The following SEPTIN14 variants were observed in gnomAD, a reference collection of about 807,000 sequenced individuals.
SEPTIN14 encodes the protein septin 14, also known as septin-14.
In SEPTIN14, 40 loss-of-function variants were observed where a neutral mutation model predicts 53.6. The ratio of observed to expected loss-of-function variants is 0.75; its 90% confidence interval spans 0.58 to 0.97. The LOEUF (loss-of-function observed/expected upper bound fraction) is 0.97, where lower values mean the gene tolerates loss of function less well. Among genes scored for constraint, SEPTIN14 ranks in the 50% least tolerant of loss-of-function variants. The probability of loss-of-function intolerance (pLI) is 0.00; values close to 1 mark genes in which losing one functional copy is unlikely to be tolerated. For synonymous variants in SEPTIN14, 138 were observed against 166.8 expected (o/e 0.83, Z 1.33); for missense variants, 471 against 508.2 (o/e 0.93, Z 0.70).
At chr7:55,818,472 C>CAAAAA (rs61089405) in intron 7 of SEPTIN14, among the ~76,000 whole-genome samples, 6 of 86,274 alleles carry the variant, frequency 7.0e-5, no homozygotes, top group African/African-American at 2.3e-4. Context: ...AACTCTGTCT[C>CAAAAA]AAAAAAAAAA....
intron 7 of SEPTIN14, among the ~76,000 whole-genome samples, chr7:55,813,087 C>T (rs906720915): frequency 7.2e-5 from 11 of 152,004 alleles, no homozygotes; most frequent in Non-Finnish European, 1.5e-4. Context: ...GTAGCTGGGA[C>T]TACAGCTGCA....
intron 6 of SEPTIN14, among the ~76,000 whole-genome samples, chr7:55,829,820 CAA>C (rs35998043): frequency 1.3e-3 from 47 of 37,600 alleles, no homozygotes; most frequent in African/African-American, 4.3e-3. Context: ...GACTCCATCT[CAA>C]AAAAAAAAAA....
chr7:55,837,574 A>T (rs1789233777), intron 5 of SEPTIN14, among the ~76,000 whole-genome samples: 1 of 151,856 alleles, frequency 6.6e-6, no homozygotes, highest in Non-Finnish European at 1.5e-5. Context: ...CCCACTACCC[A>T]TGCTTTTTTA....
At chr7:55,857,083 A>AG (rs1789644109) in intron 2 of SEPTIN14, among the ~76,000 whole-genome samples, 1 of 151,364 alleles carries the variant, frequency 6.6e-6, no homozygotes. Flanking sequence ...TTTAAAAAAA[A>AG]GAAAACAGGA....
intron 9 of SEPTIN14, among the ~76,000 whole-genome samples, chr7:55,805,038 T>C (rs1788589958): frequency 6.6e-6 from 1 of 152,142 alleles, no homozygotes; most frequent in Non-Finnish European, 1.5e-5. Flanking sequence ...TATAAAATTA[T>C]CTTCAGGGTT....
intron 6 of SEPTIN14, among the ~76,000 whole-genome samples, chr7:55,832,058 T>C (rs771822215): frequency 6.6e-6 from 1 of 151,988 alleles, no homozygotes; most frequent in East Asian, 1.9e-4. Flanking sequence ...AAAAATTAGC[T>C]GGGCATGGTG....
At chr7:55,814,681 T>C (rs1004863353) in intron 7 of SEPTIN14, among the ~76,000 whole-genome samples, 5 of 152,158 alleles carry the variant, frequency 3.3e-5, no homozygotes, top group African/African-American at 1.2e-4. Flanking sequence ...ACAGTTCATG[T>C]TCATGGATTG....
intron 9 of SEPTIN14, among the ~76,000 whole-genome samples, chr7:55,801,163 G>A (rs55740807): frequency 0.014 from 2,089 of 151,782 alleles, 26 homozygotes; most frequent in Non-Finnish European, 0.021. Flanking sequence ...CAAACCAAGC[G>A]CAAAGTCAGT....
intron 2 of SEPTIN14, among the ~76,000 whole-genome samples, chr7:55,861,224 G>T (rs531369924): frequency 1.2e-4 from 19 of 152,288 alleles, no homozygotes; most frequent in African/African-American, 4.3e-4. Flanking sequence ...CAGGCCAGGC[G>T]CAGTGGCTCA....
intron 3 of SEPTIN14, among the ~76,000 whole-genome samples, chr7:55,845,957 G>A (rs1186222389): frequency 2.7e-5 from 4 of 148,986 alleles, no homozygotes; most frequent in African/African-American, 7.4e-5. Context: ...GCTGAGGCAG[G>A]AGAATGGCAT....
intron 2 of SEPTIN14, among the ~76,000 whole-genome samples, chr7:55,849,618 C>T (rs375461323): frequency 2.1e-4 from 31 of 151,022 alleles, no homozygotes; most frequent in Middle Eastern, 3.5e-3. Flanking sequence ...TGGTGGCACA[C>T]GCCTGTAATA....
In SEPTIN14 at chr7:55,805,277, A is replaced by C. The variant is rs1380186026; in HGVS notation, c.1100T>G (p.Phe367Cys). Residue 367 changes from phenylalanine (F) to cysteine (C), a missense_variant, in exon 9 of 10, where the codon TTT becomes TGT. Phe to Cys is a radical substitution (Grantham distance 205). Transcript: ENST00000388975. ...ACTAACCTCTTTTTCAGCTTCTTTA[A>C]ATGTTGCTTCTTTCTCCTTGACTCG... is the stretch of plus-strand genomic sequence containing the variant. ...MQRVKEKEAT[F>C]KEAEKELQDK... is the part of the protein sequence containing the mutation. 14 of 1,611,998 alleles carry C rather than the reference A, an allele frequency of 8.7e-6. No homozygotes were observed. Among genetic ancestry groups the C allele is most frequent in the Non-Finnish European group, 1.1e-5 (13 of 1,178,908 alleles).
At chr7:55,840,801 ACATAATGG>A (rs918729361) in intron 5 of SEPTIN14, among the ~76,000 whole-genome samples, 1 of 152,230 alleles carries the variant, frequency 6.6e-6, no homozygotes, top group African/African-American at 2.4e-5. Context: ...GTCGTGCACC[ACATAATGG>A]CATTTCAGTA....
intron 8 of SEPTIN14, among the ~76,000 whole-genome samples, chr7:55,806,835 C>T (rs1174809870): frequency 6.6e-6 from 1 of 152,104 alleles, no homozygotes; most frequent in African/African-American, 2.4e-5. Flanking sequence ...TGGGTTTTTT[C>T]ATCAATATAC....
intron 2 of SEPTIN14, among the ~76,000 whole-genome samples, chr7:55,857,402 A>G (rs1562722188): frequency 6.9e-6 from 1 of 144,818 alleles, no homozygotes; most frequent in Non-Finnish European, 1.5e-5. Flanking sequence ...AAAAGAGAAG[A>G]GAAGAGAAGA....
rs71015108 is a variant in SEPTIN14, at chr7:55,830,349, A to ATATTTTT, written c.720+4075_720+4076insAAAAATA. Among the ~76,000 whole-genome samples, 239 of 56,790 alleles carry ATATTTTT rather than the reference A, an allele frequency of 4.2e-3. 4 individuals carry two copies. The highest frequency in any genetic ancestry group is 0.015 in the East Asian group (24 of 1,636). The allele number at this position is 56,790 out of a possible 152,430, so 37.3% of individuals were successfully genotyped here. A position where few individuals can be genotyped will look rare whatever the true frequency, so the allele number is the denominator to read the frequency against. On this transcript the variant is annotated intron_variant, in intron 6 of 9. Transcript: ENST00000388975. ...TATATATATATATATATATATATATATTTTTTTTTTTTTTTGAGACGGAGT... is the reference window on the plus strand; with the variant it reads ...TATATATATATATATATATATATATATATTTTTTTTTTTTTTTTTTTTGAGACGGAGT...
intron 9 of SEPTIN14, among the ~76,000 whole-genome samples, chr7:55,801,745 C>A (rs530521267): frequency 6.6e-6 from 1 of 151,580 alleles, no homozygotes; most frequent in South Asian, 2.1e-4. Context: ...CATAGTGAGA[C>A]CCCATCTCTA....
At chr7:55,816,311 C>T (rs890880953) in intron 7 of SEPTIN14, among the ~76,000 whole-genome samples, 4 of 151,652 alleles carry the variant, frequency 2.6e-5, no homozygotes, top group African/African-American at 9.7e-5. Context: ...CTACAGTCAA[C>T]AATAATTTAT....
intron 6 of SEPTIN14, among the ~76,000 whole-genome samples, chr7:55,830,432 C>T (rs757680541): frequency 5.5e-5 from 8 of 145,662 alleles, no homozygotes; most frequent in South Asian, 2.2e-4. Flanking sequence ...CTGCAAGCTC[C>T]GCCTCTCGGG....
Sources: allele counts gnomAD v4.1 joint callset (sites outside exome capture counted in the v4.1 genomes callset), GRCh38; gene constraint gnomAD v4.1.1; transcripts MANE v1.5; gene names NCBI Gene and HGNC (gene_info 2026-07-23, HGNC 2026-07-21).